SLC7A1: variants seen among roughly 807,000 people sequenced by gnomAD.
SLC7A1 encodes the protein high affinity cationic amino acid transporter 1.
In SLC7A1, 10 loss-of-function variants were observed where a neutral mutation model predicts 53.9. The ratio of observed to expected loss-of-function variants is 0.19; its 90% CI spans 0.11 to 0.31. The LOEUF is 0.31. Ranked by LOEUF, SLC7A1 falls within the 10% of genes least tolerant of loss-of-function variation. The pLI, the probability that SLC7A1 is intolerant of heterozygous loss-of-function variation, is 1.00. For missense variants in SLC7A1, 525 were observed against 827.2 expected (o/e 0.63, Z 4.48); for synonymous variants, 342 against 338.7 (o/e 1.01, Z -0.11).
At chr13:29,536,863 C>T (rs1298295355) in intron 2 of SLC7A1, among the ~76,000 whole-genome samples, 1 of 152,154 alleles carries the variant, frequency 6.6e-6, no homozygotes, top group African/African-American at 2.4e-5. Context: ...AAATGTCAGC[C>T]CAATGTGCTC....
At chr13:29,544,419 C>G (rs1275934913) in intron 2 of SLC7A1, among the ~76,000 whole-genome samples, 1 of 152,176 alleles carries the variant, frequency 6.6e-6, no homozygotes, top group Non-Finnish European at 1.5e-5. Flanking sequence ...CTAAAAACAC[C>G]TAACATCCTG....
In SLC7A1 at chr13:29,559,865, G is replaced by A. The variant is rs186611827; in HGVS notation, c.-114-6005C>T. On this transcript the variant is annotated intron_variant, in intron 1 of 12. Coordinates refer to ENST00000380752, the MANE Select transcript of SLC7A1 (RefSeq NM_003045.5). ...CAAGAAGCTGGGACTACAGGCGCCC[G>A]CCACCGCGCCCGGATAATTTTTTGT... Among the ~76,000 whole-genome samples the A allele has an allele frequency of 9.9e-3, 1,501 of 151,984 alleles. 23 individuals carry two copies. The highest frequency in any genetic ancestry group is 0.035 in the African/African-American group (1,445 of 41,448).
intron 1 of SLC7A1, among the ~76,000 whole-genome samples, chr13:29,560,932 T>G (rs192884511): frequency 2.4e-4 from 36 of 152,294 alleles, no homozygotes; most frequent in Non-Finnish European, 4.6e-4. Context: ...TTCCACTAAG[T>G]ACACTTATAA....
chr13:29,593,581 T>C (rs1274861897), intron 1 of SLC7A1, among the ~76,000 whole-genome samples: 1 of 152,242 alleles, frequency 6.6e-6, no homozygotes, highest in East Asian at 1.9e-4. Context: ...AAAGGATTAA[T>C]TTAATTGGAC....
rs1277939389 is a variant in SLC7A1, at chr13:29,513,360, G to A, written c.*1120C>T. ...ATGACATGGCCATTTCCAAGTTAATGTTATGCCCTAACTTAATCTGGTGGA... is the reference window on the plus strand; with the variant it reads ...ATGACATGGCCATTTCCAAGTTAATATTATGCCCTAACTTAATCTGGTGGA... On this transcript the variant is annotated 3_prime_UTR_variant, in exon 13 of 13. Coordinates refer to ENST00000380752, the MANE Select transcript of SLC7A1 (RefSeq NM_003045.5). 1 of 152,692 alleles carries A rather than the reference G, an allele frequency of 6.5e-6. No individual in the cohort carries two copies. The highest frequency in any genetic ancestry group is 1.5e-5 in the Non-Finnish European group (1 of 68,048). The allele number at this position is 152,692 out of a possible 1,614,324, so 9.5% of individuals were successfully genotyped here. A position where few individuals can be genotyped will look rare whatever the true frequency, so the allele number is the denominator to read the frequency against.
chr13:29,540,107 C>T (rs374382381), intron 2 of SLC7A1, among the ~76,000 whole-genome samples: 2 of 152,324 alleles, frequency 1.3e-5, no homozygotes, highest in East Asian at 1.9e-4. Context: ...TGAGGCTGCA[C>T]GAAGCTACTC....
rs569353678 is a variant in SLC7A1, at chr13:29,516,356, C to T, written c.1678-110G>A. On this transcript the variant is annotated intron_variant, in intron 11 of 12. Transcript: ENST00000380752. ...ACTGAGAGTGACAGGGACCGTCGGG[C>T]GAGTGTGGGGAAGAGAGAGGGAGTG... 266 of 707,922 alleles carry T rather than the reference C, an allele frequency of 3.8e-4. No individual in the cohort carries two copies. In the South Asian group the frequency reaches 3.9e-3, roughly 10 times the overall value. The allele number at this position is 707,922 out of a possible 1,614,324, so 43.9% of individuals were successfully genotyped here.
At chr13:29,517,367 A>T (rs191902091) in intron 10 of SLC7A1, 57 bp from the exon 11 acceptor site, 74 of 1,541,132 alleles carry the variant, frequency 4.8e-5, no homozygotes, top group Non-Finnish European at 8.8e-7. Flanking sequence ...AATTTCCCAC[A>T]GGCATCCACT....
chr13:29,594,104 G>T (rs1488855354), intron 1 of SLC7A1, among the ~76,000 whole-genome samples: 2 of 152,114 alleles, frequency 1.3e-5, no homozygotes, highest in Admixed American at 6.5e-5. Flanking sequence ...AAATACCAGA[G>T]GAATAAATGT....
intron 1 of SLC7A1, among the ~76,000 whole-genome samples, chr13:29,587,809 AGCTCCAGACAGGG>A (rs563542199): frequency 6.6e-6 from 1 of 152,336 alleles, no homozygotes; most frequent in South Asian, 2.1e-4. Flanking sequence ...AAAGACCGTC[AGCTCCAGACAGGG>A]GCCGGCTCCT....
chr13:29,539,338 T>G (rs536040612), intron 2 of SLC7A1, among the ~76,000 whole-genome samples: 3 of 152,240 alleles, frequency 2.0e-5, no homozygotes, highest in Non-Finnish European at 4.4e-5. Flanking sequence ...GCTGCTCGCA[T>G]AAGAGGACAA....
intron 1 of SLC7A1, among the ~76,000 whole-genome samples, chr13:29,564,552 T>C (rs771429501): frequency 6.6e-6 from 1 of 152,344 alleles, no homozygotes; most frequent in Non-Finnish European, 1.5e-5. Flanking sequence ...GCCAGACTTA[T>C]AATAGCTCCC....
At position 29,517,256 on chromosome 13, in the gene SLC7A1, G is replaced by C. The variant is rs931475984; in HGVS notation, c.1565C>G (p.Thr522Ser). Residue 522 changes from threonine (T) to serine (S), a missense_variant, in exon 11 of 13, where the codon ACC (threonine) becomes AGC (serine). Physicochemically the swap from Thr to Ser is moderately conservative, Grantham distance 58 (BLOSUM62 1). This residue lies in a region of SLC7A1 where 122 missense variants were observed against 140.9 expected (regional missense o/e 0.87). Transcript: ENST00000380752. ...AAAGACTGCCCACAGCGCCCCTTTG[G>C]TGAGAGCCTCCCTTCCAAGCACGGT... is the stretch of plus-strand genomic sequence containing the variant. ...IVTVLGREAL[T>S]KGALWAVFLL... is the part of the protein sequence containing the mutation. 1.8e-5 allele frequency: 29 copies of C among 1,613,350 alleles called. No individual in the cohort carries two copies. Among genetic ancestry groups the C allele is most frequent in the Non-Finnish European group, 2.4e-5 (28 of 1,179,772 alleles).
intron 10 of SLC7A1, 46 bp downstream of exon 10, chr13:29,517,527 C>T: frequency 6.7e-7 from 1 of 1,490,280 alleles, no homozygotes; most frequent in South Asian, 1.1e-5. Flanking sequence ...GCCTAGAAAC[C>T]ATGCAATGCC....
At chr13:29,523,084 G>A (rs750988249) in intron 7 of SLC7A1, among the ~76,000 whole-genome samples, 182 bp downstream of exon 7, 5 of 151,952 alleles carry the variant, frequency 3.3e-5, no homozygotes, top group Admixed American at 1.3e-4. Flanking sequence ...TTGGGATGAT[G>A]AATACTGGCC....
At chr13:29,589,667 C>T (rs1872025627) in intron 1 of SLC7A1, among the ~76,000 whole-genome samples, 1 of 152,224 alleles carries the variant, frequency 6.6e-6, no homozygotes, top group African/African-American at 2.4e-5. Context: ...CCAGCACCAC[C>T]TGGACTCAGC....
chr13:29,528,615 C>T (rs1291996337), intron 5 of SLC7A1, among the ~76,000 whole-genome samples: 2 of 151,120 alleles, frequency 1.3e-5, no homozygotes, highest in South Asian at 2.1e-4. Flanking sequence ...CACAAAGCTA[C>T]GGCTGGAAAA....
chr13:29,572,856 AG>A (rs1871257710), intron 1 of SLC7A1, among the ~76,000 whole-genome samples: 1 of 152,204 alleles, frequency 6.6e-6, no homozygotes, highest in Non-Finnish European at 1.5e-5. Context: ...CACAACCGCA[AG>A]GGCCAACTCA....
chr13:29,520,425 T>A (rs958480923), intron 8 of SLC7A1, among the ~76,000 whole-genome samples: 2 of 152,212 alleles, frequency 1.3e-5, no homozygotes, highest in African/African-American at 2.4e-5. Context: ...GTTCTTCACA[T>A]GTGAAGTCAC....
Sources: allele counts gnomAD v4.1 joint callset (sites outside exome capture counted in the v4.1 genomes callset), GRCh38; gene constraint gnomAD v4.1.1; regional missense constraint gnomAD v4.1.1; transcripts MANE v1.5; gene names NCBI Gene and HGNC (gene_info 2026-07-23, HGNC 2026-07-21).